NOL4: variants seen among roughly 807,000 people sequenced by gnomAD.
NOL4 encodes the protein cancer/testis antigen 125.
In NOL4, 17 loss-of-function variants were observed where a neutral mutation model predicts 75.9. That is an observed-to-expected ratio of 0.22 (90% confidence interval 0.15 to 0.34). The LOEUF is 0.34. Ranked by LOEUF, NOL4 falls within the 10% of genes least tolerant of loss-of-function variation. The pLI is 1.00. For synonymous variants in NOL4, 292 were observed against 289.9 expected (o/e 1.01, Z -0.07); for missense variants, 614 against 793.5 (o/e 0.77, Z 2.72).
At chr18:34,076,108 G>T (rs985509814) in intron 5 of NOL4, among the ~76,000 whole-genome samples, 21 of 152,234 alleles carry the variant, frequency 1.4e-4, no homozygotes, top group African/African-American at 5.1e-4. Context: ...ATAGCATAGA[G>T]TATATCTGTG....
intron 1 of NOL4, among the ~76,000 whole-genome samples, chr18:34,201,373 A>G (rs1295306361): frequency 6.6e-6 from 1 of 151,806 alleles, no homozygotes; most frequent in African/African-American, 2.4e-5. Flanking sequence ...CAGCCAACAC[A>G]TGACAGAGCT....
At chr18:34,109,765 T>A (rs1390884706) in intron 2 of NOL4, among the ~76,000 whole-genome samples, 1 of 151,454 alleles carries the variant, frequency 6.6e-6, no homozygotes, top group African/African-American at 2.4e-5. Context: ...TTGACAAAAC[T>A]TTACCTAGAC....
rs147927662 is a variant in NOL4 at position 34,175,669 on chromosome 18, T to C, written c.265-45649A>G. On this transcript the variant is annotated intron_variant, in intron 1 of 10. Coordinates refer to ENST00000261592, the MANE Select transcript of NOL4 (RefSeq NM_003787.5). ...GTGCTAATGTAGACTACAGACCCCA[T>C]TGGCAGAGGCTGGAGAATTTATTGG... Among the ~76,000 whole-genome samples, 187 of 152,220 alleles carry C rather than the reference T, an allele frequency of 1.2e-3. 1 individual carries two copies. The South Asian group carries it at 0.019, about 15-fold the overall frequency.
At chr18:33,920,698 G>T (rs1222893000) in intron 9 of NOL4, among the ~76,000 whole-genome samples, 1 of 152,154 alleles carries the variant, frequency 6.6e-6, no homozygotes. Context: ...GATTATTCAG[G>T]AAGAATGTGT....
chr18:34,222,577 A>C, intron 1 of NOL4: 11 of 541,442 alleles, frequency 2.0e-5, no homozygotes, highest in Non-Finnish European at 2.6e-5. Flanking sequence ...GTCTGCTCTC[A>C]GAGCGTGCGG....
intron 5 of NOL4, among the ~76,000 whole-genome samples, chr18:34,055,413 A>C (rs1025029601): frequency 6.6e-6 from 1 of 152,012 alleles, no homozygotes; most frequent in Non-Finnish European, 1.5e-5. Flanking sequence ...TTCTCTAAAC[A>C]CTTTGAATAA....
intron 5 of NOL4, among the ~76,000 whole-genome samples, chr18:34,034,506 A>G (rs1203489110): frequency 6.6e-6 from 1 of 152,218 alleles, no homozygotes; most frequent in Non-Finnish European, 1.5e-5. Flanking sequence ...TGGGAGGCCA[A>G]GTCGGGTGGA....
intron 10 of NOL4, among the ~76,000 whole-genome samples, chr18:33,871,767 G>C (rs1311049009): frequency 6.6e-6 from 1 of 151,968 alleles, no homozygotes; most frequent in Non-Finnish European, 1.5e-5. Flanking sequence ...TTAGGAAGCT[G>C]CTGCCAGAAA....
rs1030544299 is a variant in NOL4, at chr18:34,114,871, CA to C, written c.415-9712del. ...ATGCTAAGGGCCCAGGGAAAGCAGA[CA>C]AAAAAAAAAAATTTCAAGAAACCCA... On this transcript the variant is annotated intron_variant, in intron 2 of 10. Coordinates refer to ENST00000261592, the MANE Select transcript of NOL4 (RefSeq NM_003787.5). Among the ~76,000 whole-genome samples, 672 of 128,648 alleles carry C rather than the reference CA, an allele frequency of 5.2e-3. 7 individuals carry two copies. The highest frequency in any genetic ancestry group is 0.016 in the African/African-American group (554 of 34,988). The allele number at this position is 128,648 out of a possible 152,430, so 84.4% of individuals were successfully genotyped here.
At chr18:34,064,004 C>A (rs186672156) in intron 5 of NOL4, among the ~76,000 whole-genome samples, 1 of 152,002 alleles carries the variant, frequency 6.6e-6, no homozygotes, top group Non-Finnish European at 1.5e-5. Context: ...CCTTGCCACA[C>A]ACTGACTGGT....
At chr18:34,019,665 T>A in intron 5 of NOL4, 64 bp from the exon 6 acceptor site, 1 of 1,426,432 alleles carries the variant, frequency 7.0e-7, no homozygotes, top group Non-Finnish European at 9.6e-7. Flanking sequence ...CTACTTCAAC[T>A]AGCATTTATT....
chr18:34,115,838 G>T (rs1379193816), intron 2 of NOL4, among the ~76,000 whole-genome samples: 3 of 152,124 alleles, frequency 2.0e-5, no homozygotes, highest in East Asian at 1.9e-4. Flanking sequence ...GTGAGACAAA[G>T]AATTTCAGTG....
chr18:33,985,408 C>G (rs1031207887), intron 6 of NOL4, among the ~76,000 whole-genome samples: 9 of 152,086 alleles, frequency 5.9e-5, no homozygotes, highest in Non-Finnish European at 1.0e-4. Flanking sequence ...ATTTTGATTA[C>G]ATAAAATGTT....
At chr18:34,049,052 T>G in intron 5 of NOL4, among the ~76,000 whole-genome samples, 1 of 146,332 alleles carries the variant, frequency 6.8e-6, no homozygotes, top group Admixed American at 7.1e-5. Flanking sequence ...TGTATCAACT[T>G]GAAGGTTAGA....
chr18:33,873,316 A>T (rs1460838590), intron 10 of NOL4, among the ~76,000 whole-genome samples: 2 of 152,002 alleles, frequency 1.3e-5, no homozygotes, highest in African/African-American at 4.8e-5. Flanking sequence ...CCCTCCCCAC[A>T]CATCTGCACT....
chr18:33,929,436 T>C (rs997309129), intron 9 of NOL4, among the ~76,000 whole-genome samples: 1 of 152,206 alleles, frequency 6.6e-6, no homozygotes, highest in Non-Finnish European at 1.5e-5. Flanking sequence ...AATGCTCCCC[T>C]GGCTCTCACA....
chr18:33,883,153 A>G (rs985260281), intron 10 of NOL4, 91 bp downstream of exon 10: 5 of 913,898 alleles, frequency 5.5e-6, no homozygotes, highest in Admixed American at 4.8e-5. Flanking sequence ...ACATGTATAC[A>G]TATGTAACTA....
At chr18:34,120,232 GTC>G (rs971898886) in intron 2 of NOL4, among the ~76,000 whole-genome samples, 4 of 152,166 alleles carry the variant, frequency 2.6e-5, no homozygotes, top group African/African-American at 9.7e-5. Flanking sequence ...TTATTGGAGA[GTC>G]TGCAGGCAGC....
At chr18:34,172,419 T>C (rs1359256767) in intron 1 of NOL4, among the ~76,000 whole-genome samples, 2 of 152,140 alleles carry the variant, frequency 1.3e-5, no homozygotes, top group South Asian at 2.1e-4. Flanking sequence ...CTTTATTCAT[T>C]CATGTGCCAA....
Sources: allele counts gnomAD v4.1 joint callset (sites outside exome capture counted in the v4.1 genomes callset), GRCh38; gene constraint gnomAD v4.1.1; transcripts MANE v1.5; gene names NCBI Gene and HGNC (gene_info 2026-07-23, HGNC 2026-07-21).